The following CCT6A variants were observed in gnomAD, a reference collection of about 807,000 sequenced individuals.
The protein encoded by CCT6A is T-complex protein 1 subunit zeta.
In CCT6A, 6 loss-of-function variants were observed where a neutral mutation model predicts 58.6. The ratio of observed to expected loss-of-function variants is 0.10; its 90% CI spans 0.06 to 0.20. The LOEUF (loss-of-function observed/expected upper bound fraction) is 0.20, where lower values mean the gene tolerates loss of function less well. Among genes scored for constraint, CCT6A ranks in the 10% least tolerant of loss-of-function variants. The pLI is 1.00. For missense variants in CCT6A, 516 were observed against 648.8 expected, an observed-to-expected ratio of 0.80 and a Z score of 2.22; for synonymous variants, 245 against 227.8, an observed-to-expected ratio of 1.08 and a Z score of -0.68.
rs1442725380 is a variant in CCT6A at position 56,056,321 on chromosome 7, A to C, written c.521A>C (p.Asp174Ala). Reference sequence around the variant, plus strand: ...CTCCTCCAATTGCAGGCTGTAGTGGACTCCATTTTGGCCATTAAAAAGCAA... The same window carrying C: ...CTCCTCCAATTGCAGGCTGTAGTGGCCTCCATTTTGGCCATTAAAAAGCAA... Reference protein sequence around the residue: ...LADVLTEAVVDSILAIKKQDE... With the variant: ...LADVLTEAVVASILAIKKQDE... Residue 174 changes from aspartate to alanine, a missense_variant, in exon 5 of 14, where the codon GAC becomes GCC. Physicochemically the swap from Asp to Ala is moderately radical, Grantham distance 126. This residue lies in a region of CCT6A where 85 missense variants were observed against 74.9 expected (regional missense o/e 1.13). Coordinates refer to ENST00000275603, the MANE Select transcript of CCT6A (RefSeq NM_001762.4). 1 of 1,545,156 alleles carries C rather than the reference A, an allele frequency of 6.5e-7. No homozygotes were observed. Among genetic ancestry groups the C allele is most frequent in the African/African-American group, 1.4e-5 (1 of 73,458 alleles).
intron 5 of CCT6A, among the ~76,000 whole-genome samples, 176 bp from the exon 6 acceptor site, chr7:56,057,817 C>T (rs975580423): frequency 6.6e-6 from 1 of 152,118 alleles, no homozygotes; most frequent in African/African-American, 2.4e-5. Flanking sequence ...GGAGGTGGAG[C>T]TTGCGGTGAG....
At chr7:56,056,887 C>A (rs1794320777) in intron 5 of CCT6A, among the ~76,000 whole-genome samples, 1 of 150,566 alleles carries the variant, frequency 6.6e-6, no homozygotes, top group South Asian at 2.1e-4. Flanking sequence ...AGCTCTGCCT[C>A]CCGGGTTCAC....
At position 56,055,673 on chromosome 7, in the gene CCT6A, A is replaced by T; in HGVS notation, c.386A>T (p.Lys129Met). Reference protein sequence around the residue: ...ITEGFEAAKEKALQFLEEVKV... With the variant: ...ITEGFEAAKEMALQFLEEVKV... Reference sequence around the variant, plus strand: ...GAAGGATTTGAAGCTGCAAAGGAAAAGGCCCTTCAGTTTTTGGAAGAAGTC... The same window carrying T: ...GAAGGATTTGAAGCTGCAAAGGAAATGGCCCTTCAGTTTTTGGAAGAAGTC... Residue 129 changes from lysine (K) to methionine (M), a missense_variant, in exon 4 of 14, where the codon AAG (lysine) becomes ATG (methionine). Transcript: ENST00000275603. 1 of 1,613,836 alleles carries T rather than the reference A, an allele frequency of 6.2e-7. No homozygotes were observed. Among genetic ancestry groups the T allele is most frequent in the South Asian group, 1.1e-5 (1 of 91,074 alleles).
chr7:56,053,584 A>C (rs1359292095), intron 2 of CCT6A, among the ~76,000 whole-genome samples: 2 of 151,890 alleles, frequency 1.3e-5, no homozygotes, highest in Non-Finnish European at 2.9e-5. Flanking sequence ...TAAAACTCCG[A>C]CTCAGCTAAA....
At position 56,054,366 on chromosome 7, in the gene CCT6A, C is replaced by A. The variant is rs767056742; in HGVS notation, c.202-3C>A. On this transcript the variant is annotated splice_polypyrimidine_tract_variant and splice_region_variant and intron_variant, in intron 2 of 13. Coordinates refer to ENST00000275603, the MANE Select transcript of CCT6A (RefSeq NM_001762.4). ...AAGTGATTCATTCTTTTTCTACTTA[C>A]AGCAAATTCAACACCCAACAGCTTC... is the stretch of plus-strand genomic sequence containing the variant. The A allele has an allele frequency of 5.6e-6, 9 of 1,598,120 alleles. No individual in the cohort carries two copies. The Admixed American group carries it at 6.7e-5, about 12-fold the overall frequency.
At chr7:56,060,024 T>A (rs1180258991) in intron 9 of CCT6A, 2 of 515,170 alleles carry the variant, frequency 3.9e-6, no homozygotes, top group East Asian at 6.7e-5. Flanking sequence ...AGCAGAAAAA[T>A]TAATTGAAAT....
At chr7:56,062,819 TGTTTA>T in intron 13 of CCT6A, 64 bp downstream of exon 13, 1 of 1,390,306 alleles carries the variant, frequency 7.2e-7, no homozygotes, top group Non-Finnish European at 1.0e-6. Context: ...TGGTGTTCTC[TGTTTA>T]GTTGCTCCTT....
intron 9 of CCT6A, 47 bp from the exon 10 acceptor site, chr7:56,060,222 C>T (rs754014693): frequency 5.1e-6 from 8 of 1,558,848 alleles, no homozygotes; most frequent in Admixed American, 3.4e-5. Flanking sequence ...TCTCTCTTCA[C>T]TCTGCACAAA....
Position 56,056,379 on chromosome 7 carries a change from C to A in CCT6A, c.579C>A (p.Ile193=), listed in dbSNP as rs1416251571. ...DEPIDLFMIE[I]MEMKHKSETD... ...CTATTGATCTCTTCATGATTGAGAT[C>A]ATGGAGATGAAACATAAATCTGAAA... Residue 193 remains isoleucine, a synonymous_variant, in exon 5 of 14, where the codon ATC becomes ATA. Transcript: ENST00000275603. 2 of 1,592,306 alleles carry A rather than the reference C, an allele frequency of 1.3e-6. No individual in the cohort carries two copies. The highest frequency in any genetic ancestry group is 1.7e-5 in the Admixed American group (1 of 59,960).
rs1794292661 is a variant in CCT6A, at chr7:56,055,815, T to C, written c.510+18T>C. 2.5e-6 allele frequency: 4 copies of C among 1,595,944 alleles called. No individual in the cohort carries two copies. The African/African-American group carries it at 4.0e-5, about 16-fold the overall frequency. On this transcript the variant is annotated intron_variant, in intron 4 of 13. Transcript: ENST00000275603. ...TAACAGAGGTATGTATTAAATTTTG[T>C]CTATGTCTGGTATAGTATACCTATA...
At chr7:56,060,219 T>C (rs569164291) in intron 9 of CCT6A, 50 bp from the exon 10 acceptor site, 6 of 1,544,448 alleles carry the variant, frequency 3.9e-6, no homozygotes, top group South Asian at 2.3e-5. Context: ...TCTTCTCTCT[T>C]CACTCTGCAC....
At position 56,055,752 on chromosome 7, in the gene CCT6A, T is replaced by G; in HGVS notation, c.465T>G (p.Ser155=). 1 of 1,613,832 alleles carries G rather than the reference T, an allele frequency of 6.2e-7. No homozygotes were observed. The highest frequency in any genetic ancestry group is 8.5e-7 in the Non-Finnish European group (1 of 1,179,784). ...CACTTATAGATGTGGCCAGAACATC[T>G]CTTCGTACTAAAGTTCATGCTGAAC... ...RETLIDVART[S]LRTKVHAELA... Residue 155 remains serine, a synonymous_variant, in exon 4 of 14, where the codon TCT becomes TCG. Coordinates refer to ENST00000275603, the MANE Select transcript of CCT6A (RefSeq NM_001762.4).
intron 1 of CCT6A, 136 bp downstream of exon 1, chr7:56,052,121 C>A: frequency 1.3e-6 from 1 of 767,444 alleles, no homozygotes; most frequent in Non-Finnish European, 1.9e-6. Flanking sequence ...GGGGTCGGTC[C>A]TGTGTCCCTC....
chr7:56,054,633 T>C, intron 3 of CCT6A, 130 bp downstream of exon 3: 3 of 799,386 alleles, frequency 3.8e-6, no homozygotes, highest in East Asian at 2.6e-5. Flanking sequence ...TCTGGGTCTT[T>C]ATCCTGGTCT....
intron 11 of CCT6A, 72 bp downstream of exon 11, chr7:56,061,012 ATTC>A: frequency 1.3e-6 from 2 of 1,484,520 alleles, no homozygotes; most frequent in South Asian, 2.7e-5. Flanking sequence ...TGTAGGATTT[ATTC>A]ATAAAGTGGA....
At chr7:56,058,205 C>T in intron 6 of CCT6A, 102 bp downstream of exon 6, 4 of 899,132 alleles carry the variant, frequency 4.4e-6, no homozygotes, top group Non-Finnish European at 7.0e-6. Context: ...CAATAATGCT[C>T]AAATTGGTTT....
intron 6 of CCT6A, 57 bp from the exon 7 acceptor site, chr7:56,058,305 C>T (rs1794358038): frequency 7.6e-7 from 1 of 1,313,976 alleles, no homozygotes; most frequent in African/African-American, 1.5e-5. Context: ...AATCCAGTTT[C>T]AGAAGCTGCT....
At chr7:56,054,207 T>A (rs1329487580) in intron 2 of CCT6A, among the ~76,000 whole-genome samples, 162 bp from the exon 3 acceptor site, 1 of 152,262 alleles carries the variant, frequency 6.6e-6, no homozygotes, top group Non-Finnish European at 1.5e-5. Context: ...TCAATCATTA[T>A]AATTGCATGT....
intron 5 of CCT6A, 93 bp downstream of exon 5, chr7:56,056,507 C>A: frequency 2.8e-6 from 2 of 723,830 alleles, no homozygotes; most frequent in Admixed American, 4.2e-5. Context: ...CAAATCACCT[C>A]AGGTCAGGAG....
Sources: allele counts gnomAD v4.1 joint callset (sites outside exome capture counted in the v4.1 genomes callset), GRCh38; gene constraint gnomAD v4.1.1; regional missense constraint gnomAD v4.1.1; transcripts MANE v1.5; gene names NCBI Gene and HGNC (gene_info 2026-07-23, HGNC 2026-07-21).